The following E2F8 variants were observed in gnomAD, a reference collection of about 807,000 sequenced individuals.
E2F8 encodes the protein E2F transcription factor 8.
Under a neutral mutation model 80.8 loss-of-function variants are expected in E2F8, and 35 were observed. The observed-to-expected ratio is 0.43, with a 90% CI of 0.33 to 0.57. The LOEUF (loss-of-function observed/expected upper bound fraction) is 0.57, where lower values mean the gene tolerates loss of function less well. Among genes scored for constraint, E2F8 ranks in the 20% least tolerant of loss-of-function variants. The pLI is 0.04. For synonymous variants in E2F8, 386 were observed against 395.0 expected (o/e 0.98, Z 0.27); for missense variants, 975 against 1,056.2 (o/e 0.92, Z 1.07).
In E2F8 at chr11:19,235,002, C is replaced by T; in HGVS notation, c.508G>A (p.Val170Met). Residue 170 changes from valine (V) to methionine (M), a missense_variant, in exon 5 of 13, where the codon GTG (valine) becomes ATG (methionine). Physicochemically the swap from Val to Met is conservative, Grantham distance 21. Transcript: ENST00000250024. Reference protein sequence around the residue: ...IVNVLESLHMVSRLAKNRYTW... With the variant: ...IVNVLESLHMMSRLAKNRYTW... ...TACCTGTTTTTGGCGAGGCGGCTCA[C>T]CATATGTAAACTCTCTAGGACGTTC... 6.2e-7 allele frequency: 1 copy of T among 1,614,224 alleles called. No homozygotes were observed. The highest frequency in any genetic ancestry group is 8.5e-7 in the Non-Finnish European group (1 of 1,180,050).
chr11:19,233,679 G>T (rs1032459173), intron 6 of E2F8, among the ~76,000 whole-genome samples: 1 of 151,828 alleles, frequency 6.6e-6, no homozygotes, highest in Admixed American at 6.6e-5. Context: ...TAGTAGAGAC[G>T]GGGTTTCACT....
chr11:19,235,670 A>AAAC (rs1565071767), intron 4 of E2F8, among the ~76,000 whole-genome samples: 10 of 119,012 alleles, frequency 8.4e-5, no homozygotes, highest in African/African-American at 4.2e-4. Flanking sequence ...AACAAACAAA[A>AAAC]AAAAAAAACG....
intron 12 of E2F8, 74 bp from the exon 13 acceptor site, chr11:19,224,914 T>G: frequency 6.5e-7 from 1 of 1,535,232 alleles, no homozygotes; most frequent in South Asian, 1.2e-5. Flanking sequence ...ACTTGGAAGA[T>G]TGGGCTGGAT....
chr11:19,232,452 T>G, intron 6 of E2F8, 81 bp from the exon 7 acceptor site: 3 of 1,215,230 alleles, frequency 2.5e-6, no homozygotes, highest in Non-Finnish European at 3.5e-6. Context: ...TTCATGTATA[T>G]TCTAAGAGCT....
At chr11:19,227,532 A>G (rs984622692) in intron 10 of E2F8, among the ~76,000 whole-genome samples, 3 of 152,158 alleles carry the variant, frequency 2.0e-5, no homozygotes, top group African/African-American at 7.2e-5. Context: ...CCTTTTTTAT[A>G]AAATAATTAG....
intron 3 of E2F8, 144 bp downstream of exon 3, chr11:19,237,710 C>T (rs568955346): frequency 1.7e-6 from 2 of 1,195,200 alleles, no homozygotes; most frequent in African/African-American, 1.5e-5. Context: ...TCTTGGGGTC[C>T]AAACCTTTCT....
At chr11:19,227,602 T>A (rs1397177681) in intron 10 of E2F8, among the ~76,000 whole-genome samples, 3 of 152,272 alleles carry the variant, frequency 2.0e-5, no homozygotes, top group African/African-American at 7.2e-5. Context: ...TAGCCTACAG[T>A]AGCCCTTCCA....
intron 9 of E2F8, 98 bp downstream of exon 9, chr11:19,230,143 A>G: frequency 6.8e-7 from 1 of 1,478,604 alleles, no homozygotes; most frequent in Non-Finnish European, 9.2e-7. Flanking sequence ...TTAGCTCTCC[A>G]GTTCAAGGCT....
chr11:19,232,463 G>A, intron 6 of E2F8, 92 bp from the exon 7 acceptor site: 2 of 1,072,998 alleles, frequency 1.9e-6, no homozygotes, highest in Non-Finnish European at 1.3e-6. Flanking sequence ...TCTAAGAGCT[G>A]TCTTAACCAT....
Position 19,240,206 on chromosome 11 carries a change from C to T in E2F8, c.-85G>A, listed in dbSNP as rs1851622900. 6 of 843,862 alleles carry T rather than the reference C, an allele frequency of 7.1e-6. No individual in the cohort carries two copies. The highest frequency in any genetic ancestry group is 1.0e-5 in the Non-Finnish European group (6 of 571,684). The allele number at this position is 843,862 out of a possible 1,614,324, so 52.3% of individuals were successfully genotyped here. ...ATCCCGATGGTTCAAGTAGTCCAAT[C>T]AATTGTACTAAAAGTTTTAATATCC... On this transcript the variant is annotated 5_prime_UTR_variant, in exon 2 of 13. Transcript: ENST00000250024.
chr11:19,233,740 G>A (rs1482455663), intron 6 of E2F8, among the ~76,000 whole-genome samples: 5 of 151,746 alleles, frequency 3.3e-5, no homozygotes, highest in Non-Finnish European at 7.4e-5. Context: ...CGCCCTCCTC[G>A]GCCTCCCAAA....
chr11:19,225,262 G>A lies in E2F8; in HGVS notation c.2380C>T (p.Gln794Ter). 6.2e-7 allele frequency: 1 copy of A among 1,614,022 alleles called. No individual in the cohort carries two copies. The highest frequency in any genetic ancestry group is 8.5e-7 in the Non-Finnish European group (1 of 1,180,040). ...ACAGCAACTGATTGTCCATTTGGCT[G>A]GCTCTGGCCTGGGACTGGTGAGTCA... ...NYDSPVPGQS[Q>*]PNGQSVAVTG... The change falls in exon 12 of 13, where the codon CAG becomes TAG. Residue 794 changes from glutamine to a stop codon, truncating the protein, a stop_gained. Transcript: ENST00000250024. LOFTEE classifies it high-confidence loss of function.
chr11:19,225,801 T>C lies in E2F8; in HGVS notation c.1957A>G (p.Ile653Val). 1 of 1,614,162 alleles carries C rather than the reference T, an allele frequency of 6.2e-7. No homozygotes were observed. The highest frequency in any genetic ancestry group is 8.5e-7 in the Non-Finnish European group (1 of 1,180,018). Residue 653 changes from isoleucine to valine, a missense_variant, in exon 11 of 13, where the codon ATT becomes GTT. Physicochemically the swap from Ile to Val is conservative, Grantham distance 29. Coordinates refer to ENST00000250024, the MANE Select transcript of E2F8 (RefSeq NM_024680.4). ...CTTGAGTTTTCTTTACCAGACAAAA[T>C]GGACTCTGCCCCCAGGGATGAGCAC... ...TQCSSLGAESILSGKENSSAL... is the reference protein window; with the variant it reads ...TQCSSLGAESVLSGKENSSAL...
At chr11:19,231,529 C>T (rs996960706) in intron 7 of E2F8, among the ~76,000 whole-genome samples, 3 of 152,136 alleles carry the variant, frequency 2.0e-5, no homozygotes, top group Admixed American at 6.5e-5. Flanking sequence ...TCATGGCCCA[C>T]GTTCTTGTCA....
chr11:19,225,547 T>A lies in E2F8; in HGVS notation c.2095A>T (p.Lys699Ter). The A allele has an allele frequency of 1.2e-6, 2 of 1,614,210 alleles. No individual in the cohort carries two copies. The highest frequency in any genetic ancestry group is 2.2e-5 in the South Asian group (2 of 91,082). The change falls in exon 12 of 13, where the codon AAG becomes TAG. Residue 699 changes from lysine to a stop codon, truncating the protein, a stop_gained. Coordinates refer to ENST00000250024, the MANE Select transcript of E2F8 (RefSeq NM_024680.4). LOFTEE classifies it high-confidence loss of function. ...NFPSFHVTPL[K>*]LMVSPTSVAA... The stretch of plus-strand genomic sequence containing the variant: ...ACGGAAGTTGGTGAGACCATTAGCT[T>A]CAACGGTGTTACATGAAAAGAGGGA...
In E2F8 at chr11:19,229,454, T is replaced by C. The variant is rs749013376; in HGVS notation, c.1893A>G (p.Ala631=). ...TTGTGCAGTTCAAGGCTGTACTTAC[T>C]GCGGAGACATTTTCAAGTCCTTTTA... ...EDLKGLENVS[A]TLFPSGYLIP... The change falls in exon 10 of 13, where the codon GCA becomes GCG. Residue 631 remains alanine (A), a splice_region_variant and synonymous_variant. Coordinates refer to ENST00000250024, the MANE Select transcript of E2F8 (RefSeq NM_024680.4). This position sits in a 1 kb window ranked among gnomAD's most constrained non-coding sequence, Gnocchi z 4.3. The C allele has an allele frequency of 1.9e-5, 31 of 1,611,126 alleles. No homozygotes were observed. Among genetic ancestry groups the C allele is most frequent in the Non-Finnish European group, 2.5e-5 (29 of 1,178,642 alleles).
Position 19,237,910 on chromosome 11 carries a change from T to A in E2F8, c.238A>T (p.Lys80Ter). ...VSPEIRNRDQ[K>*]RGLFDNRSGL... ...CTTCTGTTGTCAAACAAACCCCTTT[T>A]CTGATCTCTGTTGCGGATCTCAGGG... is the stretch of plus-strand genomic sequence containing the variant. Residue 80 changes from lysine to a stop codon, truncating the protein, a stop_gained, in exon 3 of 13, where the codon AAA (lysine) becomes TAA (stop). Coordinates refer to ENST00000250024, the MANE Select transcript of E2F8 (RefSeq NM_024680.4). LOFTEE classifies it high-confidence loss of function. 3 of 1,614,132 alleles carry A rather than the reference T, an allele frequency of 1.9e-6. No homozygotes were observed. The highest frequency in any genetic ancestry group is 2.5e-6 in the Non-Finnish European group (3 of 1,180,026).
upstream of E2F8, chr11:19,241,361 CG>C (rs1283323601): frequency 3.9e-5 from 6 of 154,810 alleles, 1 homozygote; most frequent in South Asian, 7.0e-4. The surrounding 1 kb of genome is among the most constrained non-coding windows in gnomAD (Gnocchi z 4.5). Context: ...AGCCCTCTCC[CG>C]GTGCCGTGTC....
rs552053418 is a variant in E2F8, at chr11:19,235,754, A to G, written c.452-696T>C. Among the ~76,000 whole-genome samples the G allele has an allele frequency of 1.2e-4, 18 of 152,332 alleles. 1 individual carries two copies. In the South Asian group the frequency reaches 3.7e-3, roughly 32 times the overall value. On this transcript the variant is annotated intron_variant, in intron 4 of 12. Coordinates refer to ENST00000250024, the MANE Select transcript of E2F8 (RefSeq NM_024680.4). Reference sequence around the variant, plus strand: ...CTAGCAAGTAGCAAACCAAGTCTTTAAAACTCTACATCTCACACCTTCCAA... The same window carrying G: ...CTAGCAAGTAGCAAACCAAGTCTTTGAAACTCTACATCTCACACCTTCCAA...
Sources: allele counts gnomAD v4.1 joint callset (sites outside exome capture counted in the v4.1 genomes callset), GRCh38; gene constraint gnomAD v4.1.1; non-coding constraint Gnocchi (gnomAD v3.1); transcripts MANE v1.5; gene names NCBI Gene and HGNC (gene_info 2026-07-23, HGNC 2026-07-21).